The following APBB2 variants were observed in gnomAD, a reference collection of about 807,000 sequenced individuals.
APBB2 encodes the protein Fe65-like 1.
APBB2 carries 38 observed loss-of-function variants against 82.5 expected under a neutral mutation model. That is an observed-to-expected ratio of 0.46 (90% CI 0.36 to 0.60). The LOEUF is 0.60. APBB2 is among the 20% of genes least tolerant of loss of function. The pLI is 0.00. For missense variants in APBB2, 772 were observed against 972.3 expected, an observed-to-expected ratio of 0.79 and a Z score of 2.74; for synonymous variants, 341 against 368.2, an observed-to-expected ratio of 0.93 and a Z score of 0.85.
chr4:40,819,043 G>C (rs368315750), intron 17 of APBB2, among the ~76,000 whole-genome samples: 1 of 151,828 alleles, frequency 6.6e-6, no homozygotes, highest in Admixed American at 6.6e-5. Flanking sequence ...TATGGGGTGG[G>C]GGGGCGGCGG....
intron 7 of APBB2, among the ~76,000 whole-genome samples, chr4:40,941,090 C>G (rs1029544898): frequency 1.3e-5 from 2 of 151,646 alleles, no homozygotes; most frequent in Admixed American, 1.3e-4. Context: ...GCCTTCAGTT[C>G]TAAACTTTTG....
chr4:40,916,873 C>T (rs902135978), intron 10 of APBB2, among the ~76,000 whole-genome samples: 4 of 152,116 alleles, frequency 2.6e-5, no homozygotes, highest in Admixed American at 6.5e-5. Flanking sequence ...ATGCAGTGAA[C>T]GGGAGACCTG....
chr4:41,094,765 A>G (rs572829161), intron 3 of APBB2, among the ~76,000 whole-genome samples: 6 of 152,250 alleles, frequency 3.9e-5, no homozygotes, highest in African/African-American at 1.4e-4. Context: ...GGGTTTCGCT[A>G]TGTTGGCTAG....
intron 15 of APBB2, among the ~76,000 whole-genome samples, chr4:40,824,018 G>A (rs910622406): frequency 2.0e-5 from 3 of 152,108 alleles, no homozygotes; most frequent in South Asian, 4.1e-4. Context: ...TGGCCAACAC[G>A]GTGAAACCCT....
chr4:41,171,957 G>T (rs554441249), intron 1 of APBB2, among the ~76,000 whole-genome samples: 1 of 152,164 alleles, frequency 6.6e-6, no homozygotes, highest in South Asian at 2.1e-4. Flanking sequence ...AAAATTAGCT[G>T]GGCATGGTGG....
intron 1 of APBB2, among the ~76,000 whole-genome samples, chr4:41,195,955 T>C: frequency 6.6e-6 from 1 of 152,144 alleles, no homozygotes; most frequent in African/African-American, 2.4e-5. Flanking sequence ...GGTCAGGAGA[T>C]CGAGACCATC....
intron 6 of APBB2, among the ~76,000 whole-genome samples, chr4:40,972,445 T>TAAATAAATAAATA (rs372950734): frequency 4.7e-4 from 69 of 147,044 alleles, no homozygotes; most frequent in South Asian, 1.5e-3. Flanking sequence ...AAAAAAATAA[T>TAAATAAATAAATA]AATAAATAAA....
At chr4:41,146,787 C>A (rs1463227178) in intron 1 of APBB2, among the ~76,000 whole-genome samples, 1 of 152,148 alleles carries the variant, frequency 6.6e-6, no homozygotes, top group African/African-American at 2.4e-5. Flanking sequence ...CCTGAAAGGT[C>A]TTTACTGAGC....
At chr4:40,869,449 G>A (rs553392215) in intron 12 of APBB2, among the ~76,000 whole-genome samples, 18 of 151,748 alleles carry the variant, frequency 1.2e-4, no homozygotes, top group African/African-American at 4.4e-4. Flanking sequence ...TTAACTGGGC[G>A]AAGTGGCATG....
intron 10 of APBB2, among the ~76,000 whole-genome samples, chr4:40,894,693 G>A (rs1402833196): frequency 6.6e-6 from 1 of 152,182 alleles, no homozygotes; most frequent in East Asian, 1.9e-4. Context: ...TTTTGTTTGA[G>A]ATCATACTTC....
At chr4:41,056,267 T>C (rs901109207) in intron 4 of APBB2, among the ~76,000 whole-genome samples, 2 of 152,230 alleles carry the variant, frequency 1.3e-5, no homozygotes, top group Admixed American at 6.5e-5. Context: ...TTTGTTCTTA[T>C]TGGCATATGC....
chr4:40,900,645 CAG>C (rs1459875882), intron 10 of APBB2, among the ~76,000 whole-genome samples: 1 of 151,772 alleles, frequency 6.6e-6, no homozygotes, highest in Non-Finnish European at 1.5e-5. Context: ...TTAGTAGAGA[CAG>C]GGTTTCACCA....
intron 1 of APBB2, among the ~76,000 whole-genome samples, chr4:41,172,440 C>A (rs1281308530): frequency 6.6e-6 from 1 of 152,192 alleles, no homozygotes; most frequent in Non-Finnish European, 1.5e-5. Flanking sequence ...ACCTCGGGGA[C>A]TAGACGAGCA....
intron 10 of APBB2, 113 bp downstream of exon 10, chr4:40,934,343 A>G (rs1784897233): frequency 9.8e-7 from 1 of 1,024,436 alleles, no homozygotes; most frequent in Non-Finnish European, 1.5e-6. Flanking sequence ...TTGAGGGATA[A>G]TTACTTATTA....
At chr4:40,992,583 AT>A (rs1280548854) in intron 6 of APBB2, among the ~76,000 whole-genome samples, 1 of 152,168 alleles carries the variant, frequency 6.6e-6, no homozygotes, top group Non-Finnish European at 1.5e-5. Context: ...CCTCATTAAT[AT>A]GTAGTAAGGA....
At position 41,002,337 on chromosome 4, in the gene APBB2, G is replaced by A. The variant is rs189221409; in HGVS notation, c.835+11246C>T. Among the ~76,000 whole-genome samples the A allele has an allele frequency of 4.9e-4, 74 of 152,306 alleles. 1 individual carries two copies. Among genetic ancestry groups the A allele is most frequent in the Admixed American group, 4.1e-3 (62 of 15,302 alleles). ...AGATGTCTTTAGAAATTTCAAGCAC[G>A]TTTTGCTTAACAGTTCATGTCACAC... On this transcript the variant is annotated intron_variant, in intron 6 of 17. Transcript: ENST00000508593.
At chr4:41,024,360 AAAGAAAC>A (rs1336868997) in intron 5 of APBB2, among the ~76,000 whole-genome samples, 1 of 152,248 alleles carries the variant, frequency 6.6e-6, no homozygotes, top group Non-Finnish European at 1.5e-5. Flanking sequence ...CTGCACAGCA[AAAGAAAC>A]TATCAACAGA....
intron 5 of APBB2, 56 bp downstream of exon 5, chr4:41,033,180 T>A: frequency 9.1e-7 from 1 of 1,096,692 alleles, no homozygotes. Flanking sequence ...TATCTTTTTT[T>A]AAGTTTTAAT....
At chr4:40,828,208 A>C (rs1750615517) in intron 13 of APBB2, among the ~76,000 whole-genome samples, 1 of 152,132 alleles carries the variant, frequency 6.6e-6, no homozygotes, top group African/African-American at 2.4e-5. Flanking sequence ...TGTTATCCTC[A>C]AACTGCTCTA....
Sources: allele counts gnomAD v4.1 joint callset (sites outside exome capture counted in the v4.1 genomes callset), GRCh38; gene constraint gnomAD v4.1.1; transcripts MANE v1.5; gene names NCBI Gene and HGNC (gene_info 2026-07-23, HGNC 2026-07-21).